UNC5C: variants seen among roughly 807,000 people sequenced by gnomAD.
UNC5C encodes netrin receptor UNC5C.
In UNC5C, 47 loss-of-function variants were observed where a neutral mutation model predicts 99.8. The observed-to-expected ratio is 0.47, with a 90% CI of 0.37 to 0.60. The LOEUF (loss-of-function observed/expected upper bound fraction) is 0.60, where lower values mean the gene tolerates loss of function less well. Among genes scored for constraint, UNC5C ranks in the 20% least tolerant of loss-of-function variants. The pLI is 0.00. For synonymous variants in UNC5C, 487 were observed against 452.2 expected (o/e 1.08, Z -0.98); for missense variants, 1,062 against 1,165.9 (o/e 0.91, Z 1.30).
chr4:95,256,193 G>A (rs576425560), intron 4 of UNC5C, among the ~76,000 whole-genome samples: 1 of 151,922 alleles, frequency 6.6e-6, no homozygotes, highest in East Asian at 1.9e-4. Flanking sequence ...CACTTCCTTG[G>A]TGAGCTCATC....
chr4:95,253,924 T>C (rs1168363566), intron 4 of UNC5C, among the ~76,000 whole-genome samples: 1 of 152,194 alleles, frequency 6.6e-6, no homozygotes, highest in East Asian at 1.9e-4. Context: ...TCTTCTAACA[T>C]TTTGGTCTCT....
intron 1 of UNC5C, among the ~76,000 whole-genome samples, chr4:95,476,032 T>G (rs1748134444): frequency 6.6e-6 from 1 of 152,136 alleles, no homozygotes; most frequent in Non-Finnish European, 1.5e-5. Flanking sequence ...GACCATATGA[T>G]GAACTGTAAT....
chr4:95,398,208 T>C (rs1017893730), intron 1 of UNC5C, among the ~76,000 whole-genome samples: 5 of 152,110 alleles, frequency 3.3e-5, no homozygotes, highest in African/African-American at 7.2e-5. Flanking sequence ...TCAAAACTAC[T>C]TGGGTAGTAG....
At chr4:95,344,346 A>G (rs183023119) in intron 1 of UNC5C, among the ~76,000 whole-genome samples, 1 of 152,262 alleles carries the variant, frequency 6.6e-6, no homozygotes, top group East Asian at 1.9e-4. Context: ...ATATCAAGAG[A>G]AAATATACTT....
chr4:95,179,281 T>G (rs1736504555), intron 14 of UNC5C, among the ~76,000 whole-genome samples: 2 of 152,208 alleles, frequency 1.3e-5, no homozygotes, highest in Admixed American at 6.5e-5. Flanking sequence ...GCAGAAGATG[T>G]AAACAGATGA....
chr4:95,401,334 T>A lies in UNC5C; in HGVS notation c.125-65703A>T, dbSNP rs564915666. On this transcript the variant is annotated intron_variant, in intron 1 of 15. Transcript: ENST00000453304. ...ATTTTTTTGAGACAGAGTCTCACTT[T>A]GTCACCCAGGCTGTAGTGCAGTGCT... Among the ~76,000 whole-genome samples, 429 of 152,246 alleles carry A rather than the reference T, an allele frequency of 2.8e-3. 8 individuals carry two copies. Among genetic ancestry groups the A allele is most frequent in the Non-Finnish European group, 1.4e-3 (98 of 68,026 alleles).
At position 95,548,736 on chromosome 4, in the gene UNC5C, T is replaced by C; in HGVS notation, c.122A>G (p.Gln41Arg). Residue 41 changes from glutamine to arginine, a missense_variant and splice_region_variant, in exon 1 of 16, where the codon CAA (glutamine) becomes CGA (arginine). Transcript: ENST00000453304. The stretch of plus-strand genomic sequence containing the variant: ...CGGAGCTTGGCGGACCCCCTTACCT[T>C]GGGCGGCGGAGCCAGTGCCGCTGGC... ...LSASGTGSAA[Q>R]DDDFFHELPE... 1.9e-6 allele frequency: 3 copies of C among 1,612,212 alleles called. No individual in the cohort carries two copies. Among genetic ancestry groups the C allele is most frequent in the Non-Finnish European group, 2.5e-6 (3 of 1,179,336 alleles).
chr4:95,438,001 T>G (rs1173346572), intron 1 of UNC5C, among the ~76,000 whole-genome samples: 1 of 152,070 alleles, frequency 6.6e-6, no homozygotes, highest in Non-Finnish European at 1.5e-5. Context: ...TATGTGTGAA[T>G]TTTCTTTTCC....
intron 1 of UNC5C, among the ~76,000 whole-genome samples, chr4:95,478,255 G>A (rs527310709): frequency 6.6e-6 from 1 of 152,000 alleles, no homozygotes; most frequent in African/African-American, 2.4e-5. Flanking sequence ...TGCCAGTAAA[G>A]GCTGAACCTT....
At chr4:95,196,073 CTG>C (rs1737369266) in intron 12 of UNC5C, among the ~76,000 whole-genome samples, 1 of 152,152 alleles carries the variant, frequency 6.6e-6, no homozygotes, top group African/African-American at 2.4e-5. Flanking sequence ...CAAAAAGAGA[CTG>C]TCAGGTATTG....
intron 3 of UNC5C, among the ~76,000 whole-genome samples, chr4:95,294,063 A>C (rs537855060): frequency 2.5e-4 from 38 of 152,354 alleles, no homozygotes; most frequent in African/African-American, 9.1e-4. Context: ...AAGAAAGAAA[A>C]GTATTTCATA....
chr4:95,236,489 G>A (rs574136477), intron 7 of UNC5C, among the ~76,000 whole-genome samples: 3 of 151,736 alleles, frequency 2.0e-5, no homozygotes, highest in South Asian at 4.2e-4. Context: ...TGTAAATGAC[G>A]AGTTAATGGG....
intron 3 of UNC5C, among the ~76,000 whole-genome samples, chr4:95,298,801 A>C (rs1430940841): frequency 2.0e-5 from 3 of 152,154 alleles, no homozygotes; most frequent in Non-Finnish European, 2.9e-5. Flanking sequence ...CAATTGTCCC[A>C]AGAACAGAGT....
chr4:95,245,120 G>T lies in UNC5C; in HGVS notation c.800C>A (p.Thr267Lys), dbSNP rs146344947. ...GCGGCTGTTACACACAGACCACTCC[G>T]TCCAGGTGGACCAGCCACCGTTGAC... ...VYVNGGWSTW[T>K]EWSVCNSRCG... Residue 267 changes from threonine (T) to lysine (K), a missense_variant, in exon 6 of 16, where the codon ACG (threonine) becomes AAG (lysine). This residue lies in a region of UNC5C where 810 missense variants were observed against 854.5 expected (regional missense o/e 0.95). Transcript: ENST00000453304. 3.1e-6 allele frequency: 5 copies of T among 1,612,302 alleles called. No homozygotes were observed.
At chr4:95,249,341 C>T (rs565068727) in intron 5 of UNC5C, among the ~76,000 whole-genome samples, 1 of 152,292 alleles carries the variant, frequency 6.6e-6, no homozygotes, top group South Asian at 2.1e-4. Flanking sequence ...AGTAAGACTC[C>T]AAGGCCCACG....
At chr4:95,233,137 C>T (rs1446357917) in intron 7 of UNC5C, among the ~76,000 whole-genome samples, 1 of 152,214 alleles carries the variant, frequency 6.6e-6, no homozygotes, top group African/African-American at 2.4e-5. Context: ...CCACAGTTTA[C>T]ACATGGAGAG....
intron 1 of UNC5C, among the ~76,000 whole-genome samples, chr4:95,419,907 G>A (rs1396728453): frequency 6.6e-6 from 1 of 152,040 alleles, no homozygotes. Context: ...TAGCTCAGAT[G>A]TTCTTACAGA....
At chr4:95,275,025 C>CAAACAAAACAAAACAAAACA (rs56173593) in intron 4 of UNC5C, among the ~76,000 whole-genome samples, 13,579 of 150,184 alleles carry the variant, frequency 0.09, 1,508 homozygotes, top group African/African-American at 0.26. Context: ...GACTCCGTGT[C>CAAACAAAACAAAACAAAACA]AAACAAAACA....
In UNC5C at chr4:95,351,344, T is replaced by TA. The variant is rs3068341; in HGVS notation, c.125-15714dup. On this transcript the variant is annotated intron_variant, in intron 1 of 15. Transcript: ENST00000453304. ...TTTAGGGTTAGGCTTTTTTTTTTTT[T>TA]AATTTGCATTGTGGTTCTTAAAGAG... Among the ~76,000 whole-genome samples the TA allele has an allele frequency of 1.7e-4, 26 of 150,424 alleles. No homozygotes were observed. The South Asian group carries it at 3.2e-3, about 18-fold the overall frequency.
Sources: gnomAD v4.1 joint callset for allele counts (sites outside exome capture counted in the v4.1 genomes callset) on GRCh38, gnomAD v4.1.1 for gene constraint, gnomAD v4.1.1 regional missense constraint, MANE v1.5 for transcripts, NCBI Gene and HGNC (gene_info 2026-07-23, HGNC 2026-07-21) for gene names.